The following SETBP1 variants were observed in gnomAD, a reference collection of about 807,000 sequenced individuals.
SETBP1 encodes the protein SET binding protein 1.
Under a neutral mutation model 101.0 loss-of-function variants are expected in SETBP1, and 9 were observed. The observed-to-expected ratio is 0.09, with a 90% confidence interval of 0.05 to 0.16. The LOEUF (loss-of-function observed/expected upper bound fraction) is 0.16, where lower values mean the gene tolerates loss of function less well. SETBP1 is among the 10% of genes least tolerant of loss of function. The pLI is 1.00. For synonymous variants in SETBP1, 818 were observed against 788.5 expected (o/e 1.04, Z -0.63); for missense variants, 1,858 against 2,033.8 (o/e 0.91, Z 1.66).
intron 4 of SETBP1, among the ~76,000 whole-genome samples, chr18:45,035,005 G>A (rs1006316099): frequency 5.5e-5 from 8 of 144,758 alleles, no homozygotes; most frequent in African/African-American, 1.3e-4. Flanking sequence ...TGCCCCCCCC[G>A]CCCCCAACTT....
At chr18:44,881,754 G>T (rs1180399575) in intron 3 of SETBP1, among the ~76,000 whole-genome samples, 1 of 152,196 alleles carries the variant, frequency 6.6e-6, no homozygotes, top group Non-Finnish European at 1.5e-5. Context: ...GGAGGCAGGG[G>T]CAGGCTGGAC....
intron 5 of SETBP1, among the ~76,000 whole-genome samples, chr18:45,050,420 T>C (rs1238325196): frequency 6.6e-6 from 1 of 152,220 alleles, no homozygotes; most frequent in Non-Finnish European, 1.5e-5. Flanking sequence ...TGGAACTAAC[T>C]CCGTTAGTTT....
At chr18:44,954,346 A>G (rs1044984780) in intron 4 of SETBP1, among the ~76,000 whole-genome samples, 1 of 151,214 alleles carries the variant, frequency 6.6e-6, no homozygotes, top group Non-Finnish European at 1.5e-5. Context: ...AAAAAAAAAA[A>G]AAAAAAAACA....
chr18:44,757,102 A>T (rs2070514107), intron 2 of SETBP1, among the ~76,000 whole-genome samples: 1 of 152,074 alleles, frequency 6.6e-6, no homozygotes. Context: ...GCCATCCAAG[A>T]TAAGATACAG....
chr18:44,786,315 G>A (rs2071238074), intron 2 of SETBP1, among the ~76,000 whole-genome samples: 1 of 152,100 alleles, frequency 6.6e-6, no homozygotes, highest in Non-Finnish European at 1.5e-5. Flanking sequence ...ACACACCCCA[G>A]GCTTTTTGGT....
chr18:44,729,135 C>T (rs986778205), intron 2 of SETBP1, among the ~76,000 whole-genome samples: 1 of 152,190 alleles, frequency 6.6e-6, no homozygotes, highest in Non-Finnish European at 1.5e-5. Context: ...GATTGGAACC[C>T]ATGAAATCTG....
intron 2 of SETBP1, among the ~76,000 whole-genome samples, chr18:44,703,124 G>A (rs946499897): frequency 6.6e-6 from 1 of 152,066 alleles, no homozygotes; most frequent in Non-Finnish European, 1.5e-5. Context: ...TTTTGTCTTC[G>A]AAAATCTTTG....
At chr18:44,963,450 G>A (rs2071654672) in intron 4 of SETBP1, among the ~76,000 whole-genome samples, 1 of 152,158 alleles carries the variant, frequency 6.6e-6, no homozygotes, top group Non-Finnish European at 1.5e-5. Flanking sequence ...AAATCACAAG[G>A]AAGACACAAG....
chr18:44,697,600 T>C (rs2069041553), intron 1 of SETBP1, among the ~76,000 whole-genome samples: 1 of 152,256 alleles, frequency 6.6e-6, no homozygotes, highest in Admixed American at 6.5e-5. Context: ...CAATGGATGC[T>C]ATAGGTAATG....
intron 4 of SETBP1, among the ~76,000 whole-genome samples, chr18:44,954,534 T>A (rs948608107): frequency 6.6e-6 from 1 of 152,134 alleles, no homozygotes; most frequent in African/African-American, 2.4e-5. Context: ...GCAAGAATAG[T>A]CTATTCATGA....
At chr18:44,714,849 A>G (rs1429658615) in intron 2 of SETBP1, among the ~76,000 whole-genome samples, 1 of 152,188 alleles carries the variant, frequency 6.6e-6, no homozygotes, top group Admixed American at 6.5e-5. Context: ...ATGATAGTGC[A>G]TGGTGTGGAC....
chr18:44,730,793 T>G (rs1346662969), intron 2 of SETBP1, among the ~76,000 whole-genome samples: 1 of 152,234 alleles, frequency 6.6e-6, no homozygotes, highest in Admixed American at 6.5e-5. Flanking sequence ...AAGATTGTCC[T>G]GGGAGCCCTT....
intron 2 of SETBP1, among the ~76,000 whole-genome samples, chr18:44,709,812 A>ATTTTTTTTTTTTTT (rs35610551): frequency 8.2e-6 from 1 of 121,602 alleles, no homozygotes; most frequent in Non-Finnish European, 1.7e-5. Flanking sequence ...ATCACTAATG[A>ATTTTTTTTTTTTTT]TTTTTTTTTT....
intron 5 of SETBP1, among the ~76,000 whole-genome samples, chr18:45,056,282 G>A (rs890838802): frequency 2.6e-5 from 4 of 152,026 alleles, no homozygotes; most frequent in African/African-American, 7.3e-5. Flanking sequence ...TAAAATTACC[G>A]TGTGGGCTGG....
intron 3 of SETBP1, among the ~76,000 whole-genome samples, chr18:44,898,028 A>G (rs16978221): frequency 0.053 from 8,083 of 152,186 alleles, 719 homozygotes; most frequent in African/African-American, 0.18. Context: ...AATTGTTGTG[A>G]TAGTGCCCAG....
In SETBP1 at chr18:44,890,624, A is replaced by G. The variant is rs77169045; in HGVS notation, c.540+21341A>G. ...GGATCCCTCAAAATAGCCTCAGCCT[A>G]CACCTGGAAGAAGGAAAATAAGAAG... On this transcript the variant is annotated intron_variant, in intron 3 of 5. Coordinates refer to ENST00000649279, the MANE Select transcript of SETBP1 (RefSeq NM_015559.3). 2.4e-3 allele frequency among the ~76,000 whole-genome samples: 360 copies of G among 152,270 alleles called. 1 individual carries two copies. The highest frequency in any genetic ancestry group is 8.2e-3 in the African/African-American group (340 of 41,568).
intron 2 of SETBP1, among the ~76,000 whole-genome samples, chr18:44,760,194 T>C (rs1428167581): frequency 6.6e-6 from 1 of 152,218 alleles, no homozygotes; most frequent in Admixed American, 6.5e-5. Context: ...GGTGGCCATA[T>C]AGAATATTTT....
At chr18:44,889,453 G>T (rs1462271590) in intron 3 of SETBP1, among the ~76,000 whole-genome samples, 2 of 152,114 alleles carry the variant, frequency 1.3e-5, no homozygotes, top group African/African-American at 2.4e-5. Context: ...GTTCAGTTTG[G>T]CCCCAGTCAT....
chr18:44,788,480 T>C (rs977759741), intron 2 of SETBP1, among the ~76,000 whole-genome samples: 1 of 152,220 alleles, frequency 6.6e-6, no homozygotes, highest in African/African-American at 2.4e-5. Context: ...AGGTTCTCAT[T>C]GTGTTAACTT....
Sources: allele counts gnomAD v4.1 joint callset (sites outside exome capture counted in the v4.1 genomes callset), GRCh38; gene constraint gnomAD v4.1.1; transcripts MANE v1.5; gene names NCBI Gene and HGNC (gene_info 2026-07-23, HGNC 2026-07-21).